MEI4: variants seen among roughly 807,000 people sequenced by gnomAD.
MEI4 encodes meiotic double-stranded break formation protein 4.
In MEI4, 27 loss-of-function variants were observed where a neutral mutation model predicts 31.4. The observed-to-expected ratio is 0.86, with a 90% CI of 0.63 to 1.19. The LOEUF (loss-of-function observed/expected upper bound fraction) is 1.19, where lower values mean the gene tolerates loss of function less well. Among genes scored for constraint, MEI4 ranks in the 50% most tolerant of loss-of-function variants. The probability of loss-of-function intolerance (pLI) is 0.00; values close to 1 mark genes in which losing one functional copy is unlikely to be tolerated. For missense variants in MEI4, 329 were observed against 398.9 expected (o/e 0.82, Z 1.49); for synonymous variants, 122 against 145.4 (o/e 0.84, Z 1.16).
chr6:77,755,328 G>C (rs972980412), intron 2 of MEI4, among the ~76,000 whole-genome samples: 5 of 152,110 alleles, frequency 3.3e-5, no homozygotes, highest in Non-Finnish European at 7.4e-5. Flanking sequence ...AAGGGTTAAG[G>C]GTTCAGCAAA....
intron 4 of MEI4, 145 bp downstream of exon 4, chr6:77,829,207 C>A: frequency 3.2e-6 from 2 of 619,106 alleles, no homozygotes; most frequent in Non-Finnish European, 4.7e-6. Flanking sequence ...ATATTACTGC[C>A]TACCAAAATT....
intron 2 of MEI4, among the ~76,000 whole-genome samples, chr6:77,728,437 ATTTC>A (rs571375113): frequency 2.5e-4 from 38 of 152,284 alleles, no homozygotes; most frequent in South Asian, 2.5e-3. Context: ...TGATTGATTC[ATTTC>A]TTTATTCAGC....
chr6:77,822,289 C>T (rs532481358), intron 3 of MEI4, among the ~76,000 whole-genome samples: 1 of 152,246 alleles, frequency 6.6e-6, no homozygotes, highest in East Asian at 1.9e-4. Flanking sequence ...TGTGATTTGG[C>T]AGGGCCCTGA....
chr6:77,726,371 ATATATGTG>A, intron 2 of MEI4, among the ~76,000 whole-genome samples: 1 of 152,270 alleles, frequency 6.6e-6, no homozygotes, highest in African/African-American at 2.4e-5. Context: ...CCCACAGCAT[ATATATGTG>A]GAAGATCCAA....
At chr6:77,749,208 C>T (rs1447555565) in intron 2 of MEI4, among the ~76,000 whole-genome samples, 1 of 152,178 alleles carries the variant, frequency 6.6e-6, no homozygotes, top group African/African-American at 2.4e-5. Flanking sequence ...CAGAACACCT[C>T]TTCTCCTCCA....
intron 4 of MEI4, among the ~76,000 whole-genome samples, chr6:77,867,367 C>A (rs1392025088): frequency 3.9e-5 from 6 of 152,170 alleles, no homozygotes; most frequent in Non-Finnish European, 7.3e-5. Context: ...TGAACTCAAA[C>A]AAATTTACAA....
At chr6:77,686,801 T>C (rs185179644) in intron 1 of MEI4, among the ~76,000 whole-genome samples, 3 of 151,764 alleles carry the variant, frequency 2.0e-5, no homozygotes, top group Non-Finnish European at 4.4e-5. Context: ...TTGATACATA[T>C]TAGGAAAATA....
intron 4 of MEI4, among the ~76,000 whole-genome samples, chr6:77,833,743 C>G (rs986157426): frequency 6.6e-6 from 1 of 152,056 alleles, no homozygotes; most frequent in Non-Finnish European, 1.5e-5. Context: ...AGGTTTTAAG[C>G]CCCGCATGCA....
At chr6:77,912,441 T>C (rs1039591046) in intron 4 of MEI4, among the ~76,000 whole-genome samples, 22 of 152,120 alleles carry the variant, frequency 1.4e-4, no homozygotes, top group African/African-American at 2.4e-5. Context: ...ATTATTCCTA[T>C]CCATGAGTAT....
At chr6:77,812,822 T>A (rs1311513281) in intron 3 of MEI4, among the ~76,000 whole-genome samples, 2 of 152,034 alleles carry the variant, frequency 1.3e-5, no homozygotes, top group African/African-American at 4.8e-5. Flanking sequence ...GAAAATAAAA[T>A]GTGTTGATTA....
intron 1 of MEI4, among the ~76,000 whole-genome samples, chr6:77,670,977 G>C (rs1768727515): frequency 6.6e-6 from 1 of 150,838 alleles, no homozygotes; most frequent in Non-Finnish European, 1.5e-5. Context: ...GATGTGGTCT[G>C]ATCATCAAAA....
chr6:77,741,626 T>G (rs938443031), intron 2 of MEI4, among the ~76,000 whole-genome samples: 1 of 152,068 alleles, frequency 6.6e-6, no homozygotes, highest in Non-Finnish European at 1.5e-5. Context: ...TTAATTTTAA[T>G]TTTTATTTTT....
At chr6:77,922,760 T>G (rs1165123378) in intron 4 of MEI4, among the ~76,000 whole-genome samples, 1 of 151,672 alleles carries the variant, frequency 6.6e-6, no homozygotes, top group Non-Finnish European at 1.5e-5. Flanking sequence ...AAGATTGAAT[T>G]TAACACTGGT....
chr6:77,878,003 A>T (rs1402141383), intron 4 of MEI4, among the ~76,000 whole-genome samples: 7 of 152,098 alleles, frequency 4.6e-5, no homozygotes, highest in African/African-American at 1.7e-4. Context: ...GTATTTAATG[A>T]TTCTCAGTCT....
At chr6:77,689,041 G>A (rs966040815) in intron 1 of MEI4, among the ~76,000 whole-genome samples, 1 of 151,926 alleles carries the variant, frequency 6.6e-6, no homozygotes, top group African/African-American at 2.4e-5. Context: ...TTTGATTCTG[G>A]AAATCTAGTT....
At chr6:77,697,632 C>T (rs1230862359) in intron 2 of MEI4, among the ~76,000 whole-genome samples, 1 of 152,026 alleles carries the variant, frequency 6.6e-6, no homozygotes, top group Non-Finnish European at 1.5e-5. Context: ...GTCTGAAAGA[C>T]AGTTTGTTAT....
intron 1 of MEI4, among the ~76,000 whole-genome samples, chr6:77,659,185 C>T (rs1768454434): frequency 6.6e-6 from 1 of 152,080 alleles, no homozygotes; most frequent in Non-Finnish European, 1.5e-5. Flanking sequence ...AAGTCCTAAA[C>T]CGACCATCAA....
At chr6:77,712,544 G>A (rs1766490446) in intron 2 of MEI4, among the ~76,000 whole-genome samples, 1 of 152,140 alleles carries the variant, frequency 6.6e-6, no homozygotes, top group African/African-American at 2.4e-5. Context: ...AAGGAAAAGG[G>A]CAAGGCTTAG....
intron 4 of MEI4, among the ~76,000 whole-genome samples, chr6:77,854,064 T>A (rs959597493): frequency 2.0e-5 from 3 of 152,166 alleles, no homozygotes; most frequent in Non-Finnish European, 2.9e-5. Context: ...GCTTCCTTTT[T>A]AAAAATAAGC....
Sources: allele counts gnomAD v4.1 joint callset (sites outside exome capture counted in the v4.1 genomes callset), GRCh38; gene constraint gnomAD v4.1.1; transcripts MANE v1.5; gene names NCBI Gene and HGNC (gene_info 2026-07-23, HGNC 2026-07-21).